BCKDHB: variants seen among roughly 807,000 people sequenced by gnomAD.
BCKDHB encodes 2-oxoisovalerate dehydrogenase subunit beta, mitochondrial.
A neutral mutation model predicts 48.5 loss-of-function variants in BCKDHB; 41 were observed. The observed-to-expected ratio is 0.85, with a 90% CI of 0.66 to 1.10. The LOEUF is 1.10. Among genes scored for constraint, BCKDHB ranks in the 50% least tolerant of loss-of-function variants. The pLI is 0.00. For missense variants in BCKDHB, 496 were observed against 494.2 expected, an observed-to-expected ratio of 1.00 and a Z score of -0.03; for synonymous variants, 201 against 174.8, an observed-to-expected ratio of 1.15 and a Z score of -1.18.
chr6:80,368,840 T>C, the BCKDHB span, among the ~76,000 whole-genome samples: 4 of 151,916 alleles, frequency 2.6e-5, no homozygotes, highest in African/African-American at 9.7e-5. Flanking sequence ...GGCAAAACCT[T>C]TGTCTTTACT....
intron 8 of BCKDHB, among the ~76,000 whole-genome samples, chr6:80,232,089 G>A (rs533905851): frequency 1.9e-3 from 292 of 151,976 alleles, no homozygotes; most frequent in Non-Finnish European, 2.9e-3. Context: ...TAATCTTTTG[G>A]TGTAGGTTAT....
intron 9 of BCKDHB, among the ~76,000 whole-genome samples, chr6:80,342,577 AAAG>A (rs1237054512): frequency 7.1e-6 from 1 of 140,140 alleles, no homozygotes; most frequent in Non-Finnish European, 1.6e-5. Flanking sequence ...AAAAAAAAAA[AAAG>A]AAAGGGAAGA....
the BCKDHB span, among the ~76,000 whole-genome samples, chr6:80,376,118 G>A: frequency 6.6e-6 from 1 of 152,140 alleles, no homozygotes; most frequent in African/African-American, 2.4e-5. Context: ...GGAAGAGAAA[G>A]ACCATCAGGA....
chr6:80,265,718 A>AT (rs1777487463), intron 8 of BCKDHB, among the ~76,000 whole-genome samples: 1 of 152,108 alleles, frequency 6.6e-6, no homozygotes, highest in African/African-American at 2.4e-5. Context: ...TCTTTATGGA[A>AT]TTTTTCAGTC....
intron 3 of BCKDHB, among the ~76,000 whole-genome samples, chr6:80,133,834 G>A (rs942874637): frequency 2.9e-4 from 44 of 152,100 alleles, no homozygotes; most frequent in Admixed American, 2.2e-3. Flanking sequence ...GTAGAGACGG[G>A]GTTTCATCAT....
chr6:80,418,064 C>A, the BCKDHB span, among the ~76,000 whole-genome samples: 1 of 151,940 alleles, frequency 6.6e-6, no homozygotes, highest in South Asian at 2.1e-4. Flanking sequence ...GTCTCACTAT[C>A]TTGTTTCAGA....
chr6:80,119,738 G>C (rs1414458781), intron 1 of BCKDHB, among the ~76,000 whole-genome samples: 1 of 152,042 alleles, frequency 6.6e-6, no homozygotes, highest in Non-Finnish European at 1.5e-5. Flanking sequence ...AATCATTTAT[G>C]GCAGATATAG....
chr6:80,355,772 G>C, the BCKDHB span: 1 of 152,138 alleles, frequency 6.6e-6, no homozygotes, highest in Non-Finnish European at 1.5e-5. Flanking sequence ...TGGAGTACAT[G>C]GTTCTCTCTG....
the BCKDHB span, among the ~76,000 whole-genome samples, chr6:80,371,594 T>C: frequency 1.3e-5 from 2 of 152,266 alleles, no homozygotes; most frequent in Admixed American, 1.3e-4. Context: ...AATGTTATCT[T>C]CTAGAATTTT....
At chr6:80,282,335 A>T (rs916693518) in intron 9 of BCKDHB, among the ~76,000 whole-genome samples, 1 of 152,166 alleles carries the variant, frequency 6.6e-6, no homozygotes, top group Non-Finnish European at 1.5e-5. Context: ...ATAGAAATTG[A>T]TTCACGTTTC....
the BCKDHB span, among the ~76,000 whole-genome samples, chr6:80,404,418 C>T: frequency 2.0e-5 from 3 of 151,280 alleles, no homozygotes; most frequent in Admixed American, 1.3e-4. Flanking sequence ...TGTAATACCT[C>T]CTCTCTTATT....
rs148800984 is a variant in BCKDHB, at chr6:80,219,361, G to A, written c.951+16149G>A. On this transcript the variant is annotated intron_variant, in intron 8 of 9. Coordinates refer to ENST00000320393, the MANE Select transcript of BCKDHB (RefSeq NM_183050.4). ...AGCTGGGATTGCAGGCATGCACCAC[G>A]ATGCACCACTAATTTTGTATTTTTT... 9.4e-3 allele frequency among the ~76,000 whole-genome samples: 1,433 copies of A among 151,918 alleles called. 9 individuals carry two copies. The highest frequency in any genetic ancestry group is 0.015 in the Non-Finnish European group (999 of 67,924).
chr6:80,335,247 A>AGAG (rs1554215009), intron 9 of BCKDHB, among the ~76,000 whole-genome samples: 6 of 144,858 alleles, frequency 4.1e-5, no homozygotes, highest in Non-Finnish European at 7.5e-5. Flanking sequence ...AAAAAAAAAA[A>AGAG]GAAGAAAAAT....
the BCKDHB span, among the ~76,000 whole-genome samples, chr6:80,359,811 T>C: frequency 8.5e-5 from 13 of 152,278 alleles, no homozygotes; most frequent in East Asian, 1.9e-3. Context: ...CAGGCTGGTC[T>C]CAAACTCCTG....
In BCKDHB at chr6:80,194,425, A is replaced by G. The variant is rs77899872; in HGVS notation, c.743-6509A>G. 9.3e-3 allele frequency among the ~76,000 whole-genome samples: 1,418 copies of G among 152,204 alleles called. 29 individuals carry two copies. The highest frequency in any genetic ancestry group is 0.033 in the African/African-American group (1,350 of 41,528). The stretch of plus-strand genomic sequence containing the variant: ...TTAACTGCTCTGTTCACTTAATTCC[A>G]ATTTCGTTAATTGCCCCACTAATGT... On this transcript the variant is annotated intron_variant, in intron 6 of 9. Coordinates refer to ENST00000320393, the MANE Select transcript of BCKDHB (RefSeq NM_183050.4).
At chr6:80,382,313 A>G in the BCKDHB span, among the ~76,000 whole-genome samples, 1 of 151,030 alleles carries the variant, frequency 6.6e-6, no homozygotes, top group African/African-American at 2.5e-5. Context: ...GAAAGTTACT[A>G]AAAGAGCATT....
the BCKDHB span, among the ~76,000 whole-genome samples, chr6:80,416,374 T>C: frequency 2.0e-5 from 3 of 151,900 alleles, no homozygotes; most frequent in Non-Finnish European, 2.9e-5. Flanking sequence ...TGATGTTAGC[T>C]TGATAACTTG....
the BCKDHB span, among the ~76,000 whole-genome samples, chr6:80,373,557 C>A: frequency 6.6e-6 from 1 of 151,946 alleles, no homozygotes; most frequent in Non-Finnish European, 1.5e-5. Context: ...TCTTTTTGTG[C>A]TCTTTCAGAC....
intron 1 of BCKDHB, among the ~76,000 whole-genome samples, chr6:80,110,377 G>A (rs1218870427): frequency 6.6e-6 from 1 of 152,144 alleles, no homozygotes; most frequent in Non-Finnish European, 1.5e-5. Flanking sequence ...CTATCTGCCA[G>A]GAAATTCAAA....
Sources: gnomAD v4.1 joint callset for allele counts (sites outside exome capture counted in the v4.1 genomes callset) on GRCh38, gnomAD v4.1.1 for gene constraint, MANE v1.5 for transcripts, NCBI Gene and HGNC (gene_info 2026-07-23, HGNC 2026-07-21) for gene names.